Variants in NEBL observed in about 807,000 individuals in gnomAD.
The protein encoded by NEBL is nebulette, also known as LIM and SH3 protein 2.
In NEBL, 122 loss-of-function variants were observed where a neutral mutation model predicts 140.2. The ratio of observed to expected loss-of-function variants is 0.87; its 90% CI spans 0.75 to 1.01. NEBL has a LOEUF of 1.01. NEBL is among the 50% of genes least tolerant of loss of function. NEBL has a pLI of 0.00. For missense variants in NEBL, 1,365 were observed against 1,231.3 expected (o/e 1.11, Z -1.62); for synonymous variants, 436 against 398.9 (o/e 1.09, Z -1.11).
At chr10:21,159,730 C>T (rs919900412) in intron 2 of NEBL, among the ~76,000 whole-genome samples, 8 of 152,142 alleles carry the variant, frequency 5.3e-5, no homozygotes, top group Non-Finnish European at 8.8e-5. Context: ...ATCTTTTCAC[C>T]TTCAAGATTC....
intron 2 of NEBL, chr10:21,248,239 T>A (rs532569814): frequency 6.7e-6 from 1 of 148,280 alleles, no homozygotes; most frequent in Non-Finnish European, 1.5e-5. Context: ...CCCTGCTAAT[T>A]TTTTTTTTCT....
intron 1 of NEBL, among the ~76,000 whole-genome samples, chr10:21,281,848 C>T (rs979157955): frequency 2.0e-5 from 3 of 152,190 alleles, no homozygotes; most frequent in Non-Finnish European, 4.4e-5. Flanking sequence ...CCTTCAAGCC[C>T]CTAGTCACCA....
intron 13 of NEBL, among the ~76,000 whole-genome samples, chr10:20,839,392 C>G (rs983459451): frequency 1.3e-5 from 2 of 152,096 alleles, no homozygotes; most frequent in Admixed American, 1.3e-4. Context: ...ACAGACCTCA[C>G]CAGGGGCACG....
At chr10:21,288,820 G>GTGTATGTATATATATATATATA (rs1477748950) in intron 1 of NEBL, among the ~76,000 whole-genome samples, 1 of 35,026 alleles carries the variant, frequency 2.9e-5, no homozygotes, top group African/African-American at 9.7e-5. Flanking sequence ...GTGTGTGTGT[G>GTGTATGTATATATATATATATA]TATATATATA....
chr10:20,991,091 A>T (rs1170738838), intron 3 of NEBL, among the ~76,000 whole-genome samples: 3 of 152,122 alleles, frequency 2.0e-5, no homozygotes, highest in Non-Finnish European at 4.4e-5. Flanking sequence ...AATAAACAAA[A>T]CCTATAGAGA....
chr10:20,946,132 C>T (rs1471834790), intron 4 of NEBL, among the ~76,000 whole-genome samples: 1 of 152,128 alleles, frequency 6.6e-6, no homozygotes, highest in African/African-American at 2.4e-5. Flanking sequence ...TTGACAGGCC[C>T]CTGCTTGAGT....
chr10:20,862,344 T>C lies in NEBL; in HGVS notation c.685-2518A>G, dbSNP rs181460285. On this transcript the variant is annotated intron_variant, in intron 7 of 27. Coordinates refer to ENST00000377122, the MANE Select transcript of NEBL (RefSeq NM_006393.3). ...GGAACAAAAACACAAGTTTCCCTCA[T>C]TAATGAACCACAATAGTAACATAAC... Among the ~76,000 whole-genome samples, 63 of 152,316 alleles carry C rather than the reference T, an allele frequency of 4.1e-4. 2 individuals are homozygous for C. The East Asian group carries it at 0.011, about 27-fold the overall frequency.
intron 3 of NEBL, among the ~76,000 whole-genome samples, chr10:20,964,134 T>A (rs1339509323): frequency 6.6e-6 from 1 of 152,068 alleles, no homozygotes; most frequent in Non-Finnish European, 1.5e-5. Context: ...GATGTCTCTC[T>A]CCAATCTCAT....
chr10:21,274,675 C>T (rs1251295228), intron 1 of NEBL, among the ~76,000 whole-genome samples: 2 of 152,152 alleles, frequency 1.3e-5, no homozygotes, highest in Non-Finnish European at 2.9e-5. Context: ...TTCCACCCGA[C>T]TTGGCCTCCC....
chr10:21,283,000 G>C (rs904560668), intron 1 of NEBL, among the ~76,000 whole-genome samples: 2 of 152,114 alleles, frequency 1.3e-5, no homozygotes, highest in East Asian at 3.9e-4. Context: ...GCCAGGCATG[G>C]TGGCATGCAC....
intron 2 of NEBL, among the ~76,000 whole-genome samples, chr10:21,051,258 G>A (rs888876590): frequency 2.0e-5 from 3 of 152,118 alleles, no homozygotes; most frequent in Admixed American, 6.5e-5. Context: ...ATTCTCATTT[G>A]TAATCCATGC....
At chr10:20,902,198 T>C (rs774615605), upstream of NEBL, among the ~76,000 whole-genome samples, 71 of 151,816 alleles carry the variant, frequency 4.7e-4, no homozygotes, top group Admixed American at 7.2e-4. Context: ...GGTCAGGAGA[T>C]CGAGATCATC....
intron 3 of NEBL, among the ~76,000 whole-genome samples, chr10:20,969,962 G>C (rs1179958822): frequency 6.6e-6 from 1 of 152,052 alleles, no homozygotes; most frequent in East Asian, 1.9e-4. Flanking sequence ...AACTTGTCTT[G>C]GGCCCTGACT....
intron 3 of NEBL, among the ~76,000 whole-genome samples, chr10:20,972,251 C>G (rs1335169062): frequency 6.6e-6 from 1 of 152,146 alleles, no homozygotes; most frequent in East Asian, 1.9e-4. Flanking sequence ...ACAGATTATT[C>G]CTCAATGTTT....
upstream of NEBL, among the ~76,000 whole-genome samples, chr10:21,177,648 G>A (rs374026448): frequency 4.6e-5 from 7 of 151,756 alleles, no homozygotes; most frequent in East Asian, 1.2e-3. Context: ...TCCTGCCTCA[G>A]CCTCCCGAGT....
At chr10:20,882,148 T>C (rs1308932951) in intron 4 of NEBL, among the ~76,000 whole-genome samples, 1 of 146,664 alleles carries the variant, frequency 6.8e-6, no homozygotes, top group Non-Finnish European at 1.5e-5. Flanking sequence ...TCCTGGGTGA[T>C]AGAGCAAGAT....
At chr10:20,874,333 A>G (rs1312910754) in intron 5 of NEBL, among the ~76,000 whole-genome samples, 1 of 152,196 alleles carries the variant, frequency 6.6e-6, no homozygotes, top group Non-Finnish European at 1.5e-5. Flanking sequence ...GTCCTGCCAG[A>G]TACCCCATCC....
intron 2 of NEBL, among the ~76,000 whole-genome samples, chr10:21,106,481 A>G (rs1457944120): frequency 6.6e-6 from 1 of 152,176 alleles, no homozygotes; most frequent in Non-Finnish European, 1.5e-5. Flanking sequence ...GGTTTATCAA[A>G]GATCAGATGG....
At chr10:20,808,165 C>G (rs1837782408) in intron 26 of NEBL, among the ~76,000 whole-genome samples, 1 of 151,922 alleles carries the variant, frequency 6.6e-6, no homozygotes, top group East Asian at 1.9e-4. Flanking sequence ...AAAAACTATG[C>G]AGAACTCAAG....
Sources: gnomAD v4.1 joint callset for allele counts (sites outside exome capture counted in the v4.1 genomes callset) on GRCh38, gnomAD v4.1.1 for gene constraint, MANE v1.5 for transcripts, NCBI Gene and HGNC (gene_info 2026-07-23, HGNC 2026-07-21) for gene names.